Variants in SLAIN1 observed in about 807,000 individuals in gnomAD.
SLAIN1 encodes SLAIN motif-containing protein 1.
In SLAIN1, 17 loss-of-function variants were observed where a neutral mutation model predicts 55.4. The observed-to-expected ratio is 0.31, with a 90% CI of 0.21 to 0.46. The LOEUF is 0.46. SLAIN1 is among the 20% of genes least tolerant of loss of function. The pLI is 1.00. For synonymous variants in SLAIN1, 348 were observed against 337.4 expected, an observed-to-expected ratio of 1.03 and a Z score of -0.35; for missense variants, 682 against 785.1, an observed-to-expected ratio of 0.87 and a Z score of 1.57.
chr13:77,703,456 T>C (rs947669968), intron 1 of SLAIN1, among the ~76,000 whole-genome samples: 14 of 152,110 alleles, frequency 9.2e-5, no homozygotes, highest in Non-Finnish European at 7.4e-5. Context: ...TTTTTGACAG[T>C]GCTAATTGAA....
At chr13:77,743,932 T>C (rs1144380) in intron 2 of SLAIN1, among the ~76,000 whole-genome samples, 47,365 of 151,858 alleles carry the variant, frequency 0.31, 7,581 homozygotes, top group African/African-American at 0.36. Flanking sequence ...TCTTATAATA[T>C]CATGCCTTTA....
Position 77,740,864 on chromosome 13 carries a change from C to T in SLAIN1, c.767-3419C>T, listed in dbSNP as rs532742545. ...TGTGATAGCTTCCACTCCTGTCCTC[C>T]TCCTCCTCCACTGTAACCTTGGGCA... is the stretch of plus-strand genomic sequence containing the variant. On this transcript the variant is annotated intron_variant, in intron 2 of 6. Coordinates refer to ENST00000418532, the MANE Select transcript of SLAIN1 (RefSeq NM_001242868.2). Among the ~76,000 whole-genome samples, 420 of 152,168 alleles carry T rather than the reference C, an allele frequency of 2.8e-3. 1 individual carries two copies. The highest frequency in any genetic ancestry group is 2.6e-3 in the Non-Finnish European group (175 of 67,992).
At chr13:77,702,938 T>C (rs1566217079) in intron 1 of SLAIN1, among the ~76,000 whole-genome samples, 1 of 152,180 alleles carries the variant, frequency 6.6e-6, no homozygotes, top group Non-Finnish European at 1.5e-5. Flanking sequence ...AACAAAACTC[T>C]ATACTGTTTG....
At chr13:77,754,872 A>G (rs1001499544) in intron 5 of SLAIN1, among the ~76,000 whole-genome samples, 12 of 151,958 alleles carry the variant, frequency 7.9e-5, no homozygotes, top group Admixed American at 2.0e-4. Flanking sequence ...AACATAAGGA[A>G]CTCTCAGTGA....
intron 1 of SLAIN1, among the ~76,000 whole-genome samples, chr13:77,707,328 G>GT (rs1406876763): frequency 2.0e-5 from 3 of 151,672 alleles, no homozygotes; most frequent in South Asian, 2.1e-4. Flanking sequence ...TGAATAAACT[G>GT]TTTTTTTCAA....
chr13:77,729,063 C>T (rs567244192), intron 2 of SLAIN1, among the ~76,000 whole-genome samples: 1 of 152,292 alleles, frequency 6.6e-6, no homozygotes, highest in Admixed American at 6.5e-5. Flanking sequence ...GATTTCATCA[C>T]ATCTTTATGT....
At chr13:77,760,195 G>C (rs546939044) in intron 5 of SLAIN1, among the ~76,000 whole-genome samples, 1 of 152,224 alleles carries the variant, frequency 6.6e-6, no homozygotes, top group South Asian at 2.1e-4. Flanking sequence ...CTGCCTACCA[G>C]TTTGTTACTT....
At chr13:77,699,651 C>A (rs2091011840) in intron 1 of SLAIN1, among the ~76,000 whole-genome samples, 1 of 152,166 alleles carries the variant, frequency 6.6e-6, no homozygotes, top group African/African-American at 2.4e-5. Context: ...CATGTGAGAG[C>A]TCTAACTGTA....
chr13:77,729,398 C>T (rs2091336469), intron 2 of SLAIN1, among the ~76,000 whole-genome samples: 1 of 152,064 alleles, frequency 6.6e-6, no homozygotes, highest in South Asian at 2.1e-4. Context: ...TTACCTATCT[C>T]CACCAAGGAA....
intron 1 of SLAIN1, among the ~76,000 whole-genome samples, chr13:77,710,405 CAAAA>C (rs972475058): frequency 1.4e-5 from 2 of 147,744 alleles, no homozygotes; most frequent in African/African-American, 2.5e-5. Context: ...AAATGGAAAA[CAAAA>C]AAAAACAAAA....
intron 2 of SLAIN1, among the ~76,000 whole-genome samples, chr13:77,725,789 G>A (rs1473769256): frequency 2.0e-5 from 3 of 152,104 alleles, no homozygotes; most frequent in East Asian, 1.9e-4. Flanking sequence ...AGTTAGCCAC[G>A]GTGGTAAGTT....
intron 2 of SLAIN1, chr13:77,743,094 A>G (rs1873566002): frequency 7.7e-7 from 1 of 1,303,440 alleles, no homozygotes. Context: ...CTCAGCCCTT[A>G]TAGCAATGGC....
At chr13:77,714,876 CT>C (rs953073554) in intron 1 of SLAIN1, among the ~76,000 whole-genome samples, 2 of 151,986 alleles carry the variant, frequency 1.3e-5, no homozygotes, top group African/African-American at 4.8e-5. Context: ...CAGGCAACCC[CT>C]GATCTGTTTT....
At chr13:77,761,979 C>G (rs1875063847) in intron 6 of SLAIN1, among the ~76,000 whole-genome samples, 1 of 152,068 alleles carries the variant, frequency 6.6e-6, no homozygotes, top group South Asian at 2.1e-4. Context: ...GTGGAACAAG[C>G]AATTTTTTTC....
intron 1 of SLAIN1, among the ~76,000 whole-genome samples, chr13:77,714,583 A>C (rs2091187529): frequency 6.6e-6 from 1 of 152,210 alleles, no homozygotes; most frequent in Non-Finnish European, 1.5e-5. Context: ...ACTGCACTCC[A>C]GCCTGGGTGA....
intron 3 of SLAIN1, 156 bp downstream of exon 3, chr13:77,744,588 T>C (rs558368079): frequency 9.0e-7 from 1 of 1,112,950 alleles, no homozygotes; most frequent in Admixed American, 2.1e-5. Flanking sequence ...TATATGCTTC[T>C]CACACTATCA....
chr13:77,728,087 A>G (rs1305169218), intron 2 of SLAIN1, among the ~76,000 whole-genome samples: 1 of 152,140 alleles, frequency 6.6e-6, no homozygotes, highest in Non-Finnish European at 1.5e-5. Context: ...ATCTACAACA[A>G]TCTCTTTAGT....
At chr13:77,720,898 G>A (rs1442206798) in intron 2 of SLAIN1, among the ~76,000 whole-genome samples, 2 of 152,166 alleles carry the variant, frequency 1.3e-5, no homozygotes, top group African/African-American at 4.8e-5. Flanking sequence ...ACTTAATAAT[G>A]GAAAGTTGAA....
chr13:77,734,347 T>A (rs1305134987), intron 2 of SLAIN1, among the ~76,000 whole-genome samples: 2 of 152,184 alleles, frequency 1.3e-5, no homozygotes, highest in Non-Finnish European at 2.9e-5. Context: ...AGAAGTTGGA[T>A]TCCTCTGTTT....
Sources: allele counts gnomAD v4.1 joint callset (sites outside exome capture counted in the v4.1 genomes callset), GRCh38; gene constraint gnomAD v4.1.1; transcripts MANE v1.5; gene names NCBI Gene and HGNC (gene_info 2026-07-23, HGNC 2026-07-21).